The following GPC5 variants were observed in gnomAD, a reference collection of about 807,000 sequenced individuals.
GPC5 encodes glypican 5.
GPC5 carries 47 observed loss-of-function variants against 53.9 expected under a neutral mutation model. The observed-to-expected ratio is 0.87, with a 90% CI of 0.69 to 1.11. The LOEUF (loss-of-function observed/expected upper bound fraction) is 1.11. Among genes scored for constraint, GPC5 ranks in the 50% most tolerant of loss-of-function variants. The pLI, the probability that GPC5 is intolerant of heterozygous loss-of-function variation, is 0.00. For missense variants in GPC5, 748 were observed against 713.1 expected, an observed-to-expected ratio of 1.05 and a Z score of -0.56; for synonymous variants, 286 against 263.3, an observed-to-expected ratio of 1.09 and a Z score of -0.84.
At position 91,907,948 on chromosome 13, in the gene GPC5, G is replaced by T. The variant is rs767223885; in HGVS notation, c.1292G>T (p.Arg431Leu). ...ATTTCCCTTGCTAGTTATACTCAGC[G>T]TGTGGTTGGAAATGGAATCAAAGCC... Reference protein sequence around the residue: ...GEDIVKSYTQRVVGNGIKAQS... With the variant: ...GEDIVKSYTQLVVGNGIKAQS... The change falls in exon 6 of 8, where the codon CGT becomes CTT. Residue 431 changes from arginine (R) to leucine (L), a missense_variant. Transcript: ENST00000377067. 5.0e-6 allele frequency: 8 copies of T among 1,594,968 alleles called. No homozygotes were observed. Among genetic ancestry groups the T allele is most frequent in the South Asian group, 4.4e-5 (4 of 90,936 alleles).
At chr13:92,400,967 T>C (rs1188153998) in intron 7 of GPC5, among the ~76,000 whole-genome samples, 1 of 152,090 alleles carries the variant, frequency 6.6e-6, no homozygotes, top group Non-Finnish European at 1.5e-5. Flanking sequence ...CCTAGGTATG[T>C]TCTGAGGCAG....
intron 7 of GPC5, among the ~76,000 whole-genome samples, chr13:92,388,857 T>A (rs1874863323): frequency 6.6e-6 from 1 of 152,128 alleles, no homozygotes; most frequent in East Asian, 1.9e-4. Flanking sequence ...GGGAGATGTT[T>A]GGTTATTTTT....
intron 7 of GPC5, among the ~76,000 whole-genome samples, chr13:92,550,163 G>A (rs558759044): frequency 4.4e-4 from 66 of 151,708 alleles, no homozygotes; most frequent in African/African-American, 1.4e-3. Flanking sequence ...TTACTTAGAT[G>A]TATATTTATG....
chr13:91,643,765 C>T (rs185871337), intron 2 of GPC5, among the ~76,000 whole-genome samples: 1 of 152,230 alleles, frequency 6.6e-6, no homozygotes, highest in East Asian at 1.9e-4. Context: ...ATGGCCTCCC[C>T]CCTGTGTACC....
intron 7 of GPC5, among the ~76,000 whole-genome samples, chr13:92,773,956 A>G (rs1260347158): frequency 6.6e-6 from 1 of 152,194 alleles, no homozygotes; most frequent in African/African-American, 2.4e-5. Flanking sequence ...GGCAGCAGAC[A>G]AGAGAGCATG....
At chr13:92,500,965 C>G (rs910931043) in intron 7 of GPC5, among the ~76,000 whole-genome samples, 2 of 151,954 alleles carry the variant, frequency 1.3e-5, no homozygotes, top group Non-Finnish European at 2.9e-5. Context: ...TGGCTTGACC[C>G]CTACCCAGTT....
chr13:91,444,601 G>C (rs1465675341), intron 1 of GPC5, among the ~76,000 whole-genome samples: 1 of 152,082 alleles, frequency 6.6e-6, no homozygotes, highest in East Asian at 1.9e-4. Flanking sequence ...CTCATTTTAT[G>C]TTATTTTCTG....
At chr13:91,570,818 C>G (rs2031748274) in intron 2 of GPC5, among the ~76,000 whole-genome samples, 3 of 152,012 alleles carry the variant, frequency 2.0e-5, no homozygotes, top group South Asian at 4.1e-4. Flanking sequence ...TTTGATTGGC[C>G]CATTGATGGG....
At chr13:92,013,001 G>A (rs2040675626) in intron 6 of GPC5, among the ~76,000 whole-genome samples, 1 of 152,192 alleles carries the variant, frequency 6.6e-6, no homozygotes, top group Admixed American at 6.5e-5. Context: ...GTGGGGGCCT[G>A]TGACCCCGAA....
chr13:92,381,889 T>TCATATATATCATATATATGATATATATGA (rs753025655), intron 7 of GPC5, among the ~76,000 whole-genome samples: 1 of 122,178 alleles, frequency 8.2e-6, no homozygotes, highest in Non-Finnish European at 1.7e-5. Context: ...ATTATATATA[T>TCATATATATCATATATATGATATATATGA]TATATATAAT....
At chr13:92,056,779 C>T (rs2041077876) in intron 6 of GPC5, among the ~76,000 whole-genome samples, 2 of 152,072 alleles carry the variant, frequency 1.3e-5, no homozygotes, top group South Asian at 2.1e-4. Context: ...GTTGTCAAGA[C>T]ATAAAGGAAA....
chr13:91,710,401 A>G (rs1456656627), intron 3 of GPC5, among the ~76,000 whole-genome samples: 1 of 152,248 alleles, frequency 6.6e-6, no homozygotes, highest in Non-Finnish European at 1.5e-5. Context: ...ACTTTTATGC[A>G]GATAAATACT....
At chr13:91,908,986 G>T (rs897491806) in intron 6 of GPC5, among the ~76,000 whole-genome samples, 8 of 152,044 alleles carry the variant, frequency 5.3e-5, no homozygotes, top group African/African-American at 1.7e-4. Flanking sequence ...TTAAGTTTAT[G>T]CAGAGCCAGT....
intron 2 of GPC5, among the ~76,000 whole-genome samples, chr13:91,535,405 A>C (rs1886543757): frequency 6.6e-6 from 1 of 152,208 alleles, no homozygotes; most frequent in African/African-American, 2.4e-5. Context: ...CGTGTCATGA[A>C]GATAAAAATT....
intron 7 of GPC5, among the ~76,000 whole-genome samples, chr13:92,563,888 A>G (rs1047685752): frequency 1.3e-5 from 2 of 152,006 alleles, no homozygotes; most frequent in African/African-American, 4.8e-5. Flanking sequence ...TCACTTGTGG[A>G]TCTAGAAATT....
chr13:92,101,124 G>A (rs966659981), intron 6 of GPC5, among the ~76,000 whole-genome samples: 2 of 152,128 alleles, frequency 1.3e-5, no homozygotes, highest in African/African-American at 4.8e-5. Context: ...TGAAGGGAAA[G>A]CAATAGCTTA....
At chr13:92,065,310 C>T (rs2041159351) in intron 6 of GPC5, among the ~76,000 whole-genome samples, 1 of 152,134 alleles carries the variant, frequency 6.6e-6, no homozygotes, top group Non-Finnish European at 1.5e-5. Context: ...TAATTGCTTT[C>T]AAGGGATGCT....
intron 1 of GPC5, among the ~76,000 whole-genome samples, chr13:91,446,793 T>C (rs964402932): frequency 6.6e-6 from 1 of 152,234 alleles, no homozygotes; most frequent in East Asian, 1.9e-4. Context: ...CTTTTCACTG[T>C]GACCCAACTC....
intron 7 of GPC5, among the ~76,000 whole-genome samples, chr13:92,596,280 G>A (rs912032572): frequency 6.6e-6 from 1 of 151,962 alleles, no homozygotes; most frequent in Non-Finnish European, 1.5e-5. Context: ...TGAAAGAAAC[G>A]TTGCTAAGAT....
Sources: gnomAD v4.1 joint callset for allele counts (sites outside exome capture counted in the v4.1 genomes callset) on GRCh38, gnomAD v4.1.1 for gene constraint, MANE v1.5 for transcripts, NCBI Gene and HGNC (gene_info 2026-07-23, HGNC 2026-07-21) for gene names.